Variants in BTRC observed in about 807,000 individuals in gnomAD.
The protein encoded by BTRC is beta-transducin repeat containing E3 ubiquitin protein ligase.
Under a neutral mutation model 85.5 loss-of-function variants are expected in BTRC, and 42 were observed. The ratio of observed to expected loss-of-function variants is 0.49; its 90% CI spans 0.38 to 0.64. The LOEUF is 0.64. Among genes scored for constraint, BTRC ranks in the 30% least tolerant of loss-of-function variants. The probability of loss-of-function intolerance (pLI) is 0.00; values close to 1 mark genes in which losing one functional copy is unlikely to be tolerated. For missense variants in BTRC, 594 were observed against 743.5 expected (o/e 0.80, Z 2.34); for synonymous variants, 255 against 263.3 (o/e 0.97, Z 0.30).
intron 9 of BTRC, 96 bp downstream of exon 9, chr10:101,533,166 G>C: frequency 1.3e-6 from 1 of 794,134 alleles, no homozygotes. Context: ...GCACAGTTCT[G>C]AAACTAAAGA....
intron 1 of BTRC, among the ~76,000 whole-genome samples, chr10:101,409,172 T>C (rs1018845734): frequency 3.3e-5 from 5 of 152,252 alleles, no homozygotes; most frequent in African/African-American, 1.2e-4. Flanking sequence ...CTCTATGTAG[T>C]TGAAAGACAT....
chr10:101,437,899 A>C (rs982141738), intron 2 of BTRC, among the ~76,000 whole-genome samples: 1 of 152,106 alleles, frequency 6.6e-6, no homozygotes, highest in Non-Finnish European at 1.5e-5. Flanking sequence ...GCCTTTGTCT[A>C]CCTAATCTTC....
In BTRC at chr10:101,526,189, C is replaced by T. The variant is rs1409484816; in HGVS notation, c.733C>T (p.Arg245Ter). The T allele has an allele frequency of 2.5e-6, 4 of 1,613,782 alleles. No homozygotes were observed. Among genetic ancestry groups the T allele is most frequent in the African/African-American group, 1.3e-5 (1 of 75,030 alleles). The change falls in exon 6 of 15, where the codon CGA (arginine) becomes TGA (stop). Residue 245 changes from arginine (R) to a stop codon, truncating the protein, a stop_gained. Coordinates refer to ENST00000370187, the MANE Select transcript of BTRC (RefSeq NM_033637.4). LOFTEE classifies it high-confidence loss of function. Reference protein sequence around the residue: ...TDSLWRGLAERRGWGQYLFKN... With the variant: ...TDSLWRGLAE ...TTCTCTGTGGAGAGGCCTGGCAGAACGAAGAGGATGGTGAGCCTTTAACTT... is the reference window on the plus strand; with the variant it reads ...TTCTCTGTGGAGAGGCCTGGCAGAATGAAGAGGATGGTGAGCCTTTAACTT...
chr10:101,428,618 A>G (rs2134075188), intron 1 of BTRC, among the ~76,000 whole-genome samples: 1 of 152,318 alleles, frequency 6.6e-6, no homozygotes, highest in East Asian at 1.9e-4. Flanking sequence ...CTAGAAAGCA[A>G]CAGGCCAAGA....
chr10:101,450,767 G>A (rs1332916314), intron 2 of BTRC, among the ~76,000 whole-genome samples: 1 of 152,116 alleles, frequency 6.6e-6, no homozygotes, highest in African/African-American at 2.4e-5. Flanking sequence ...GATATGTGTG[G>A]CCAGAGGGGA....
At chr10:101,410,185 A>G (rs1159916370) in intron 1 of BTRC, among the ~76,000 whole-genome samples, 3 of 152,196 alleles carry the variant, frequency 2.0e-5, no homozygotes, top group South Asian at 2.1e-4. Context: ...ATTTCCTGGT[A>G]TGCTTCTCTC....
At chr10:101,380,235 A>G (rs1317991993) in intron 1 of BTRC, among the ~76,000 whole-genome samples, 2 of 152,226 alleles carry the variant, frequency 1.3e-5, no homozygotes, top group Non-Finnish European at 1.5e-5. Flanking sequence ...AGCAAAGATA[A>G]TATCTACTTT....
chr10:101,516,115 AAAAG>A (rs1387960599), intron 4 of BTRC, among the ~76,000 whole-genome samples: 1 of 152,226 alleles, frequency 6.6e-6, no homozygotes, highest in Non-Finnish European at 1.5e-5. Context: ...TATATAGTGA[AAAAG>A]AAGAATGTAC....
intron 13 of BTRC, among the ~76,000 whole-genome samples, chr10:101,547,286 C>T (rs992613008): frequency 2.8e-4 from 41 of 147,078 alleles, no homozygotes; most frequent in Non-Finnish European, 5.2e-4. Flanking sequence ...GTGACAAGAA[C>T]GAAACTCCAT....
At chr10:101,506,352 C>CT (rs1413218932) in intron 4 of BTRC, among the ~76,000 whole-genome samples, 15 of 152,336 alleles carry the variant, frequency 9.8e-5, no homozygotes, top group Admixed American at 3.3e-4. Flanking sequence ...GGCTTCAACT[C>CT]TAAGTCCTAT....
chr10:101,391,043 A>G lies in BTRC; in HGVS notation c.48+36815A>G, dbSNP rs528724141. Among the ~76,000 whole-genome samples, 5 of 152,320 alleles carry G rather than the reference A, an allele frequency of 3.3e-5. No homozygotes were observed. The East Asian group carries it at 9.6e-4, about 29-fold the overall frequency. On this transcript the variant is annotated intron_variant, in intron 1 of 14. Coordinates refer to ENST00000370187, the MANE Select transcript of BTRC (RefSeq NM_033637.4). ...GTTTTTATAAGAATTTTGCCTAAAG[A>G]ACTTTTCTTGAAACTAGCCTGTATA...
intron 1 of BTRC, chr10:101,414,704 A>G (rs1564757133): frequency 1.9e-6 from 1 of 513,022 alleles, no homozygotes; most frequent in South Asian, 1.4e-5. Flanking sequence ...GATATTGATG[A>G]TCCTTGCTCT....
At chr10:101,380,145 T>A (rs537286253) in intron 1 of BTRC, among the ~76,000 whole-genome samples, 2 of 152,168 alleles carry the variant, frequency 1.3e-5, no homozygotes, top group African/African-American at 4.8e-5. Flanking sequence ...AAGACCTGGT[T>A]TTCAGGTTCT....
chr10:101,403,447 C>T (rs1436870684), intron 1 of BTRC, among the ~76,000 whole-genome samples: 1 of 152,056 alleles, frequency 6.6e-6, no homozygotes, highest in African/African-American at 2.4e-5. Context: ...TTTTATTTGC[C>T]ATTATTTTGT....
At chr10:101,354,336 A>C (rs1941967512) in intron 1 of BTRC, 108 bp downstream of exon 1, 3 of 1,278,776 alleles carry the variant, frequency 2.3e-6, no homozygotes, top group Non-Finnish European at 3.1e-6. Context: ...CCCTGGGCCG[A>C]GGCTGGCGGC....
At chr10:101,491,668 G>A (rs1053630949) in intron 4 of BTRC, among the ~76,000 whole-genome samples, 1 of 151,838 alleles carries the variant, frequency 6.6e-6, no homozygotes, top group East Asian at 1.9e-4. Context: ...CTGCACTCCA[G>A]CCTGGGTGAC....
At chr10:101,417,527 GTTGATTAC>G (rs1415105170) in intron 1 of BTRC, among the ~76,000 whole-genome samples, 3 of 152,304 alleles carry the variant, frequency 2.0e-5, no homozygotes, top group Middle Eastern at 6.8e-3. Flanking sequence ...TGATATTAAT[GTTGATTAC>G]TTGATTAAGA....
chr10:101,552,688 TCACATCCTCAACTG>T (rs2062670974), intron 14 of BTRC, among the ~76,000 whole-genome samples: 2 of 152,180 alleles, frequency 1.3e-5, no homozygotes, highest in South Asian at 4.1e-4. Context: ...CTTCTAGTGC[TCACATCCTCAACTG>T]CACTGTCCCC....
intron 4 of BTRC, among the ~76,000 whole-genome samples, chr10:101,491,071 A>C (rs1437103325): frequency 6.6e-6 from 1 of 151,954 alleles, no homozygotes; most frequent in Non-Finnish European, 1.5e-5. Context: ...AAAAAAAAAA[A>C]AACTCTCTTT....
Sources: gnomAD v4.1 joint callset for allele counts (sites outside exome capture counted in the v4.1 genomes callset) on GRCh38, gnomAD v4.1.1 for gene constraint, MANE v1.5 for transcripts, NCBI Gene and HGNC (gene_info 2026-07-23, HGNC 2026-07-21) for gene names.